The following OBP2B variants were observed in gnomAD, a reference collection of about 807,000 sequenced individuals.
OBP2B encodes the protein odorant-binding protein 2b.
In OBP2B, 10 loss-of-function variants were observed where a neutral mutation model predicts 21.7. The ratio of observed to expected loss-of-function variants is 0.46; its 90% CI spans 0.28 to 0.78. The LOEUF is 0.78. Ranked by LOEUF, OBP2B falls within the 30% of genes least tolerant of loss-of-function variation. The probability of loss-of-function intolerance (pLI) is 0.11; values close to 1 mark genes in which losing one functional copy is unlikely to be tolerated. For synonymous variants in OBP2B, 73 were observed against 91.5 expected (o/e 0.80, Z 1.16); for missense variants, 153 against 217.7 (o/e 0.70, Z 1.87).
intron 4 of OBP2B, among the ~76,000 whole-genome samples, chr9:133,206,661 T>C (rs1374872922): frequency 1.4e-5 from 2 of 148,124 alleles, no homozygotes; most frequent in African/African-American, 5.1e-5. Context: ...GAGATGGCCA[T>C]AGCCCAGCAC....
In OBP2B at chr9:133,208,243, A is replaced by G. The variant is rs1169229607; in HGVS notation, c.207-40T>C. On this transcript the variant is annotated intron_variant, in intron 2 of 6. Transcript: ENST00000372034. ...ACACGCGGGCAGCGGCTCCCAGGAC[A>G]CCCATGGCCCATCCTCAGCTCACCT... 1.9e-6 allele frequency: 3 copies of G among 1,610,830 alleles called. No homozygotes were observed. In the African/African-American group the frequency reaches 4.0e-5, roughly 22 times the overall value.
chr9:133,210,374 G>T (rs1469570684), upstream of OBP2B, among the ~76,000 whole-genome samples: 1 of 152,094 alleles, frequency 6.6e-6, no homozygotes, highest in African/African-American at 2.4e-5. Flanking sequence ...AATAAACCCT[G>T]GGGCTGTAAC....
intron 4 of OBP2B, among the ~76,000 whole-genome samples, chr9:133,206,718 T>A (rs372725244): frequency 5.3e-4 from 79 of 150,212 alleles, no homozygotes; most frequent in African/African-American, 1.8e-3. Flanking sequence ...AGCTCAGGGG[T>A]GGGACTGGGG....
the OBP2B span, among the ~76,000 whole-genome samples, chr9:133,218,703 C>T: frequency 6.6e-6 from 1 of 152,130 alleles, no homozygotes; most frequent in African/African-American, 2.4e-5. Flanking sequence ...AGCTTTATGC[C>T]TGGAGGGAAT....
At chr9:133,212,184 A>G (rs1347413618), upstream of OBP2B, among the ~76,000 whole-genome samples, 2 of 152,242 alleles carry the variant, frequency 1.3e-5, no homozygotes. Flanking sequence ...TAGCTGCACA[A>G]TATGTGAAGC....
At chr9:133,205,661 C>T (rs562685719) in intron 6 of OBP2B, 10 of 616,294 alleles carry the variant, frequency 1.6e-5, no homozygotes, top group East Asian at 8.2e-5. Flanking sequence ...CTGAGGGAGC[C>T]GGAGGGAGGC....
At position 133,206,581 on chromosome 9, in the gene OBP2B, T is replaced by C. The variant is rs1426671960; in HGVS notation, c.389-165A>G. 4 of 798,074 alleles carry C rather than the reference T, an allele frequency of 5.0e-6. No homozygotes were observed. The East Asian group carries it at 1.1e-4, about 22-fold the overall frequency. 49.4% of individuals were successfully genotyped at this position (798,074 alleles called of 1,614,324 possible). A position where few individuals can be genotyped will look rare whatever the true frequency, so the allele number is the denominator to read the frequency against. On this transcript the variant is annotated intron_variant, in intron 4 of 6. Transcript: ENST00000372034. The stretch of plus-strand genomic sequence containing the variant: ...GGCTGGGGACAGAGGAGATGGCCAC[T>C]GCCCAGCACCAGGACAAGGGGAGAG...
the OBP2B span, among the ~76,000 whole-genome samples, chr9:133,218,989 A>G: frequency 6.6e-6 from 1 of 152,232 alleles, no homozygotes; most frequent in African/African-American, 2.4e-5. Context: ...GAAGAAAATC[A>G]ACACCCCACA....
upstream of OBP2B, among the ~76,000 whole-genome samples, chr9:133,209,899 G>A (rs375653926): frequency 3.3e-5 from 5 of 152,270 alleles, no homozygotes; most frequent in African/African-American, 4.8e-5. The surrounding 1 kb of genome is among the most constrained non-coding windows in gnomAD (Gnocchi z 6.0). Flanking sequence ...ACTCCGTACC[G>A]GAGCCTGGCT....
the OBP2B span, among the ~76,000 whole-genome samples, chr9:133,220,328 A>G: frequency 2.6e-5 from 4 of 152,252 alleles, no homozygotes; most frequent in Non-Finnish European, 5.9e-5. Flanking sequence ...CAGGCTACAC[A>G]ATGGAAGATG....
chr9:133,219,560 C>T, the OBP2B span, among the ~76,000 whole-genome samples: 2 of 152,128 alleles, frequency 1.3e-5, no homozygotes, highest in African/African-American at 4.8e-5. Flanking sequence ...AAAACTACAG[C>T]GAAATACCAC....
Position 133,207,278 on chromosome 9 carries a change from A to G in OBP2B, c.336T>C (p.Phe112=). 1 of 1,613,864 alleles carries G rather than the reference A, an allele frequency of 6.2e-7. No homozygotes were observed. Among genetic ancestry groups the G allele is most frequent in the Non-Finnish European group, 8.5e-7 (1 of 1,179,856 alleles). Residue 112 remains phenylalanine, a synonymous_variant, in exon 4 of 7, where the codon TTT becomes TTC. Transcript: ENST00000372034. ...CCCCATGGTGCTGGTCTTTGCAGTA[A>G]AAGATGTAGTGGTCCCTCCTGGGCA... ...QELPRRDHYI[F]YCKDQHHGGL... is the part of the protein sequence containing the mutation.
chr9:133,219,466 A>G, the OBP2B span, among the ~76,000 whole-genome samples: 1 of 152,248 alleles, frequency 6.6e-6, no homozygotes, highest in Admixed American at 6.5e-5. Context: ...AAATGAATAG[A>G]CTTTCTTCAG....
At chr9:133,211,092 A>C (rs1252241190), upstream of OBP2B, among the ~76,000 whole-genome samples, 2 of 152,178 alleles carry the variant, frequency 1.3e-5, no homozygotes, top group African/African-American at 4.8e-5. Context: ...TGCTTCACTG[A>C]AGTGGACAGT....
the OBP2B span, among the ~76,000 whole-genome samples, chr9:133,215,304 A>G: frequency 6.6e-6 from 1 of 152,244 alleles, no homozygotes; most frequent in Non-Finnish European, 1.5e-5. Flanking sequence ...TGCTATATCC[A>G]TGGATTAGGA....
the OBP2B span, among the ~76,000 whole-genome samples, chr9:133,217,531 C>T: frequency 2.6e-5 from 4 of 152,320 alleles, no homozygotes; most frequent in South Asian, 2.1e-4. Flanking sequence ...TGGCACAAGT[C>T]GGGGACGTCT....
intron 2 of OBP2B, 25 bp from the exon 3 acceptor site, chr9:133,208,228 A>T: frequency 6.2e-7 from 1 of 1,611,626 alleles, no homozygotes; most frequent in Non-Finnish European, 8.5e-7. Flanking sequence ...ACACGCGGGC[A>T]GCGGCTCCCA....
chr9:133,208,252 C>A (rs782266600), intron 2 of OBP2B, 49 bp from the exon 3 acceptor site: 4 of 1,609,660 alleles, frequency 2.5e-6, no homozygotes, highest in Non-Finnish European at 3.4e-6. Flanking sequence ...CACCCATGGC[C>A]CATCCTCAGC....
At chr9:133,207,463 G>A (rs75212266) in intron 3 of OBP2B, 127 bp from the exon 4 acceptor site, 11,948 of 652,638 alleles carry the variant, frequency 0.018, 173 homozygotes, top group South Asian at 0.035. Context: ...TGGCTGCTCC[G>A]CACAGTGTGG....
Sources: gnomAD v4.1 joint callset for allele counts (sites outside exome capture counted in the v4.1 genomes callset) on GRCh38, gnomAD v4.1.1 for gene constraint, Gnocchi (gnomAD v3.1) non-coding constraint, MANE v1.5 for transcripts, NCBI Gene and HGNC (gene_info 2026-07-23, HGNC 2026-07-21) for gene names.